The following RAB8B variants were observed in gnomAD, a reference collection of about 807,000 sequenced individuals.
RAB8B encodes the protein RAB8B, member RAS oncogene family, also known as ras-related protein Rab-8B.
In RAB8B, 11 loss-of-function variants were observed where a neutral mutation model predicts 32.0. The ratio of observed to expected loss-of-function variants is 0.34; its 90% CI spans 0.22 to 0.57. The LOEUF is 0.57. RAB8B is among the 20% of genes least tolerant of loss of function. The pLI is 0.86. For missense variants in RAB8B, 190 were observed against 258.5 expected (o/e 0.73, Z 1.82); for synonymous variants, 103 against 89.6 (o/e 1.15, Z -0.85).
intron 1 of RAB8B, among the ~76,000 whole-genome samples, chr15:63,196,686 C>G (rs2037602485): frequency 6.6e-6 from 1 of 152,194 alleles, no homozygotes; most frequent in South Asian, 2.1e-4. Flanking sequence ...TGTTACTATT[C>G]TCTTTCACAG....
At chr15:63,240,008 G>A (rs1236630756) in intron 1 of RAB8B, among the ~76,000 whole-genome samples, 2 of 152,112 alleles carry the variant, frequency 1.3e-5, no homozygotes, top group Non-Finnish European at 2.9e-5. Flanking sequence ...GCTGCAAAGT[G>A]AGGTGGTCAT....
intron 1 of RAB8B, among the ~76,000 whole-genome samples, chr15:63,210,689 A>G (rs1361043593): frequency 1.3e-5 from 2 of 152,222 alleles, no homozygotes; most frequent in Non-Finnish European, 2.9e-5. Context: ...AGTAGGAAGT[A>G]TGTGCCGTGG....
At chr15:63,194,166 T>C (rs1041897012) in intron 1 of RAB8B, among the ~76,000 whole-genome samples, 4 of 152,156 alleles carry the variant, frequency 2.6e-5, no homozygotes, top group Admixed American at 1.3e-4. Context: ...GTCTTAGATA[T>C]TATCTACTTT....
chr15:63,226,848 G>A (rs1020318562), intron 1 of RAB8B, among the ~76,000 whole-genome samples: 1 of 152,170 alleles, frequency 6.6e-6, no homozygotes, highest in Admixed American at 6.5e-5. Flanking sequence ...AGACAGAGCT[G>A]CCCCAAGGGC....
At chr15:63,256,679 T>G in intron 5 of RAB8B, 85 bp downstream of exon 5, 1 of 1,039,948 alleles carries the variant, frequency 9.6e-7, no homozygotes, top group Non-Finnish European at 1.4e-6. Context: ...ATTGATTTTT[T>G]TTAAAATCTG....
At chr15:63,204,752 A>G (rs1053614894) in intron 1 of RAB8B, among the ~76,000 whole-genome samples, 1 of 152,252 alleles carries the variant, frequency 6.6e-6, no homozygotes, top group African/African-American at 2.4e-5. Flanking sequence ...TACAGTATCA[A>G]TACATGCTGT....
chr15:63,227,967 T>C (rs2037903108), intron 1 of RAB8B, among the ~76,000 whole-genome samples: 1 of 152,052 alleles, frequency 6.6e-6, no homozygotes, highest in African/African-American at 2.4e-5. Flanking sequence ...TTTCCTTTTC[T>C]TCCTTTCCTT....
chr15:63,231,493 G>GTTT (rs370434360), intron 1 of RAB8B, among the ~76,000 whole-genome samples: 1 of 29,276 alleles, frequency 3.4e-5, no homozygotes, highest in Non-Finnish European at 1.3e-4. Context: ...GGATTTGCGT[G>GTTT]TTTTTTGTTT....
Position 63,189,628 on chromosome 15 carries a change from G to C in RAB8B, c.4G>C (p.Ala2Pro). 6.2e-7 allele frequency: 1 copy of C among 1,613,782 alleles called. No homozygotes were observed. Among genetic ancestry groups the C allele is most frequent in the Non-Finnish European group, 8.5e-7 (1 of 1,179,832 alleles). M[A>P]KTYDYLFKLL... ...GTCAGAGGGCCGGAGCGAGAAGATGGCGAAGACGTACGATTATCTCTTCAA... is the reference window on the plus strand; with the variant it reads ...GTCAGAGGGCCGGAGCGAGAAGATGCCGAAGACGTACGATTATCTCTTCAA... The change falls in exon 1 of 8, where the codon GCG becomes CCG. Residue 2 changes from alanine (A) to proline (P), a missense_variant. Physicochemically the swap from Ala to Pro is conservative, Grantham distance 27 (BLOSUM62 -1). Around this residue, in one of 2 missense-constraint regions of RAB8B, gnomAD observed 80 missense variants for 142.6 expected, o/e 0.56. Transcript: ENST00000321437.
chr15:63,193,661 A>G (rs1352835437), intron 1 of RAB8B, among the ~76,000 whole-genome samples: 1 of 151,990 alleles, frequency 6.6e-6, no homozygotes, highest in Non-Finnish European at 1.5e-5. Flanking sequence ...AATACAAAAA[A>G]TTAGCCGGGG....
Position 63,256,536 on chromosome 15 carries a change from T to A in RAB8B, c.356T>A (p.Leu119Gln). The change falls in exon 5 of 8, where the codon CTG (leucine) becomes CAG (glutamine). Residue 119 changes from leucine (L) to glutamine (Q), a missense_variant. Transcript: ENST00000321437. ...TCTTCCGATGTCGAAAGAATGATCC[T>A]GGGTAACAAATGTGATATGAATGAC... is the stretch of plus-strand genomic sequence containing the variant. ...HASSDVERMI[L>Q]GNKCDMNDKR... is the part of the protein sequence containing the mutation. 1 of 1,604,548 alleles carries A rather than the reference T, an allele frequency of 6.2e-7. No individual in the cohort carries two copies. Among genetic ancestry groups the A allele is most frequent in the Non-Finnish European group, 8.5e-7 (1 of 1,177,054 alleles).
intron 1 of RAB8B, among the ~76,000 whole-genome samples, chr15:63,225,388 A>G (rs951080292): frequency 6.6e-6 from 1 of 152,192 alleles, no homozygotes; most frequent in Non-Finnish European, 1.5e-5. Flanking sequence ...TTTAATTTTT[A>G]TTGCTGTCAT....
chr15:63,211,731 C>A (rs1431861448), intron 1 of RAB8B, among the ~76,000 whole-genome samples: 1 of 152,182 alleles, frequency 6.6e-6, no homozygotes, highest in Non-Finnish European at 1.5e-5. Context: ...TCAATTGCAA[C>A]TAGTGACTGG....
At chr15:63,261,620 C>T (rs908722703) in intron 6 of RAB8B, among the ~76,000 whole-genome samples, 5 of 152,218 alleles carry the variant, frequency 3.3e-5, no homozygotes. Flanking sequence ...CAGATGGTAA[C>T]AACTTTGCCA....
chr15:63,211,039 G>A (rs1303072739), intron 1 of RAB8B, among the ~76,000 whole-genome samples: 1 of 152,216 alleles, frequency 6.6e-6, no homozygotes, highest in Non-Finnish European at 1.5e-5. Flanking sequence ...GGACCCATCA[G>A]AGCTCTTGCA....
intron 1 of RAB8B, among the ~76,000 whole-genome samples, chr15:63,195,062 G>A (rs918891090): frequency 6.6e-5 from 10 of 152,136 alleles, no homozygotes; most frequent in African/African-American, 1.2e-4. Flanking sequence ...ATCCAGATAC[G>A]TAGAGCAAGT....
chr15:63,246,976 T>G (rs1416240715), intron 2 of RAB8B, among the ~76,000 whole-genome samples: 4 of 152,234 alleles, frequency 2.6e-5, no homozygotes, highest in Non-Finnish European at 5.9e-5. Context: ...TTATATGTGT[T>G]CCTTACTGTA....
intron 1 of RAB8B, among the ~76,000 whole-genome samples, chr15:63,195,721 C>G (rs1349628611): frequency 6.6e-6 from 1 of 152,194 alleles, no homozygotes; most frequent in Non-Finnish European, 1.5e-5. Flanking sequence ...ATCAGCTCTC[C>G]TGTGGGTGTT....
intron 1 of RAB8B, among the ~76,000 whole-genome samples, chr15:63,202,777 C>A (rs1172768298): frequency 6.6e-6 from 1 of 152,158 alleles, no homozygotes; most frequent in East Asian, 1.9e-4. Context: ...TTTGTAAAAA[C>A]CTTGTTTGGC....
Sources: allele counts gnomAD v4.1 joint callset (sites outside exome capture counted in the v4.1 genomes callset), GRCh38; gene constraint gnomAD v4.1.1; regional missense constraint gnomAD v4.1.1; transcripts MANE v1.5; gene names NCBI Gene and HGNC (gene_info 2026-07-23, HGNC 2026-07-21).